Variants in TRMT2B observed in about 807,000 individuals in gnomAD.
The protein encoded by TRMT2B is tRNA methyltransferase 2B.
A neutral mutation model predicts 39.7 loss-of-function variants in TRMT2B; 34 were observed. The ratio of observed to expected loss-of-function variants is 0.86; its 90% CI spans 0.65 to 1.14. The LOEUF (loss-of-function observed/expected upper bound fraction) is 1.14. Among genes scored for constraint, TRMT2B ranks in the 50% most tolerant of loss-of-function variants. TRMT2B has a pLI of 0.00. For missense variants in TRMT2B, 318 were observed against 377.2 expected, an observed-to-expected ratio of 0.84 and a Z score of 1.30; for synonymous variants, 132 against 137.3, an observed-to-expected ratio of 0.96 and a Z score of 0.27.
chrX:100,979,881 T>G, the TRMT2B span, among the ~76,000 whole-genome samples: 3 of 111,815 alleles, frequency 2.7e-5, no homozygotes, highest in Admixed American at 1.9e-4. Context: ...TTGGGTAAGA[T>G]CTGAGAGAAT....
the TRMT2B span, chrX:100,990,689 A>T: frequency 1.1e-6 from 1 of 896,979 alleles, no homozygotes; most frequent in Non-Finnish European, 1.6e-6. Context: ...CTGCTGACAA[A>T]GCTTGTGGAC....
chrX:100,984,205 C>A, the TRMT2B span, among the ~76,000 whole-genome samples: 1 of 109,878 alleles, frequency 9.1e-6, no homozygotes. Flanking sequence ...CCTCTGTCTC[C>A]AGGGCTCAAG....
chrX:101,039,678 G>A (rs145717347), intron 4 of TRMT2B, among the ~76,000 whole-genome samples: 2 of 111,368 alleles, frequency 1.8e-5, no homozygotes, highest in South Asian at 3.7e-4. Flanking sequence ...CAGGCGGATC[G>A]CTTGCGTCCA....
chrX:101,024,989 G>GAA (rs1203548990), intron 7 of TRMT2B, among the ~76,000 whole-genome samples: 2 of 99,851 alleles, frequency 2.0e-5, no homozygotes. Context: ...CTGTGTCTCG[G>GAA]AAAAAAAAAA....
At chrX:100,989,905 G>T in the TRMT2B span, among the ~76,000 whole-genome samples, 1 of 113,011 alleles carries the variant, frequency 8.8e-6, no homozygotes, top group Non-Finnish European at 1.9e-5. Flanking sequence ...CTGCTCTGGG[G>T]ACAAGGGGTG....
chrX:101,025,418 A>C (rs889589930), intron 7 of TRMT2B, among the ~76,000 whole-genome samples: 15 of 111,595 alleles, frequency 1.3e-4, no homozygotes, highest in Non-Finnish European at 2.4e-4. Context: ...AATTGCTGCC[A>C]TAACAGGAAA....
In TRMT2B at chrX:101,019,302, G is replaced by C; in HGVS notation, c.1270C>G (p.Pro424Ala). 2 of 1,211,451 alleles carry C rather than the reference G, an allele frequency of 1.7e-6. No homozygotes were observed. The highest frequency in any genetic ancestry group is 2.2e-6 in the Non-Finnish European group (2 of 895,348). The change falls in exon 12 of 14, where the codon CCA becomes GCA. Residue 424 changes from proline to alanine, a missense_variant. Transcript: ENST00000372936. ...DGQSIVAVVN[P>A]ARAGLHYKVI... is the part of the protein sequence containing the mutation. ...TCCTTACGCAGTCCGGCACGGGCTG[G>C]GTTCACCACAGCAACAATTGACTGT...
At chrX:101,015,520 C>G (rs2086467907) in intron 13 of TRMT2B, 1 of 323,172 alleles carries the variant, frequency 3.1e-6, no homozygotes, top group Non-Finnish European at 4.1e-6. Context: ...ATGAGAGAGA[C>G]AGCGTCCTCT....
At chrX:101,003,274 G>A in the TRMT2B span, among the ~76,000 whole-genome samples, 6 of 109,556 alleles carry the variant, frequency 5.5e-5, no homozygotes, top group Non-Finnish European at 1.1e-4. Context: ...AGTAATCAAC[G>A]GATGCTAAAA....
At chrX:101,048,761 C>T (rs1370352672) in intron 2 of TRMT2B, among the ~76,000 whole-genome samples, 1 of 112,663 alleles carries the variant, frequency 8.9e-6, no homozygotes, top group Non-Finnish European at 1.9e-5. Flanking sequence ...CTAATCCCAG[C>T]TCTACTTCTC....
At chrX:101,044,656 G>C (rs2088492363) in intron 2 of TRMT2B, among the ~76,000 whole-genome samples, 1 of 110,427 alleles carries the variant, frequency 9.1e-6, no homozygotes, top group South Asian at 3.7e-4. Flanking sequence ...AGGAGTTCGA[G>C]ACCAGAAACC....
chrX:100,987,514 C>G, the TRMT2B span: 2 of 1,211,375 alleles, frequency 1.7e-6, no homozygotes, highest in Non-Finnish European at 2.2e-6. Flanking sequence ...ATCTCAATCT[C>G]CAAGAATAAC....
rs1240516377 is a variant in TRMT2B, at chrX:101,014,570, T to C, written c.1389-3863A>G. Among the ~76,000 whole-genome samples, 10 of 109,936 alleles carry C rather than the reference T, an allele frequency of 9.1e-5. No homozygotes were observed. In the Admixed American group the frequency reaches 9.9e-4, roughly 11 times the overall value. ...TTTTAATTGAAACAGGATTTCCCTC[T>C]ATTGCCCAGGCTGGAGTGAAGTTGA... On this transcript the variant is annotated intron_variant, in intron 13 of 13. Coordinates refer to ENST00000372936, the MANE Select transcript of TRMT2B (RefSeq NM_024917.6).
chrX:100,996,329 T>C, the TRMT2B span, among the ~76,000 whole-genome samples: 1 of 111,793 alleles, frequency 8.9e-6, no homozygotes, highest in Non-Finnish European at 1.9e-5. Flanking sequence ...ACAGTTATAA[T>C]AGAAGGAATA....
At chrX:100,991,818 G>A in the TRMT2B span, among the ~76,000 whole-genome samples, 1 of 111,638 alleles carries the variant, frequency 9.0e-6, no homozygotes, top group African/African-American at 3.3e-5. Context: ...ACAAAAAGCA[G>A]AGCAGGATGT....
chrX:100,994,763 C>T, the TRMT2B span, among the ~76,000 whole-genome samples: 1 of 111,354 alleles, frequency 9.0e-6, no homozygotes, highest in Non-Finnish European at 1.9e-5. Context: ...TTGGGCCATA[C>T]CAGTTGTGTT....
the TRMT2B span, among the ~76,000 whole-genome samples, chrX:100,987,133 G>T: frequency 9.8e-5 from 11 of 111,914 alleles, no homozygotes; most frequent in Admixed American, 1.0e-3. Flanking sequence ...AAAAGCCAAG[G>T]CTCAGAGACT....
chrX:100,980,799 T>C, the TRMT2B span, among the ~76,000 whole-genome samples: 1 of 111,065 alleles, frequency 9.0e-6, no homozygotes, highest in Middle Eastern at 4.2e-3. Context: ...GGCTCTTTAG[T>C]CAGGTGGTGG....
At chrX:101,022,101 A>G in intron 8 of TRMT2B, 39 bp from the exon 9 acceptor site, 1 of 1,047,314 alleles carries the variant, frequency 9.5e-7, no homozygotes, top group African/African-American at 1.8e-5. Context: ...GCAAAGACTC[A>G]TCTCTGACAA....
Sources: gnomAD v4.1 joint callset for allele counts (sites outside exome capture counted in the v4.1 genomes callset) on GRCh38, gnomAD v4.1.1 for gene constraint, MANE v1.5 for transcripts, NCBI Gene and HGNC (gene_info 2026-07-23, HGNC 2026-07-21) for gene names.